The following MELTF variants were observed in gnomAD, a reference collection of about 807,000 sequenced individuals.
MELTF encodes the protein antigen p97 (melanoma associated) identified by monoclonal antibodies 133.2 and 96.5.
In MELTF, 67 loss-of-function variants were observed where a neutral mutation model predicts 83.7. The ratio of observed to expected loss-of-function variants is 0.80; its 90% confidence interval spans 0.66 to 0.98. The LOEUF is 0.98. Among genes scored for constraint, MELTF ranks in the 50% least tolerant of loss-of-function variants. The pLI, the probability that MELTF is intolerant of heterozygous loss-of-function variation, is 0.00. For missense variants in MELTF, 1,002 were observed against 1,035.6 expected, an observed-to-expected ratio of 0.97 and a Z score of 0.44; for synonymous variants, 462 against 447.6, an observed-to-expected ratio of 1.03 and a Z score of -0.41.
In MELTF at chr3:197,009,645, G is replaced by A. The variant is rs149613354; in HGVS notation, c.1498C>T (p.Arg500Trp). Residue 500 changes from arginine (R) to tryptophan (W), a missense_variant, in exon 11 of 16, where the codon CGG becomes TGG. Coordinates refer to ENST00000296350, the MANE Select transcript of MELTF (RefSeq NM_005929.6). ...GTGAGGACGTCACAGTCCTTGGGCC[G>A]GATGAAGCCTCTCTGAATAAGGGCA... ...VGALIQRGFI[R>W]PKDCDVLTAV... 9.3e-6 allele frequency: 15 copies of A among 1,612,784 alleles called. No individual in the cohort carries two copies. In the South Asian group the frequency reaches 9.9e-5, roughly 11 times the overall value.
rs142006559 is a variant in MELTF at position 197,023,489 on chromosome 3, G to A, written c.488-376C>T. The stretch of plus-strand genomic sequence containing the variant: ...TAAAGAATTATTGAAGATCACTGAT[G>A]GGTAGACAACCCTTCTCACGGCACA... On this transcript the variant is annotated intron_variant, in intron 4 of 15. Coordinates refer to ENST00000296350, the MANE Select transcript of MELTF (RefSeq NM_005929.6). Among the ~76,000 whole-genome samples, 3 of 152,350 alleles carry A rather than the reference G, an allele frequency of 2.0e-5. No individual in the cohort carries two copies. In the East Asian group the frequency reaches 5.8e-4, roughly 29 times the overall value.
intron 6 of MELTF, among the ~76,000 whole-genome samples, chr3:197,018,727 G>A (rs1207735081): frequency 1.3e-5 from 2 of 152,238 alleles, no homozygotes; most frequent in East Asian, 3.8e-4. Context: ...TTACAGGCGT[G>A]AGGCACCGTG....
chr3:197,015,933 G>T (rs547723071), intron 8 of MELTF, among the ~76,000 whole-genome samples: 3 of 152,140 alleles, frequency 2.0e-5, no homozygotes, highest in African/African-American at 7.2e-5. Context: ...GGGGCGAGGA[G>T]ACCCTTCCCA....
At chr3:197,009,936 T>G in intron 10 of MELTF, 124 bp from the exon 11 acceptor site, 2 of 902,834 alleles carry the variant, frequency 2.2e-6, no homozygotes, top group Non-Finnish European at 3.4e-6. Context: ...GGCCAAAGAG[T>G]ACCCAGGCCT....
intron 11 of MELTF, 78 bp from the exon 12 acceptor site, chr3:197,009,043 C>T: frequency 6.5e-7 from 1 of 1,544,798 alleles, no homozygotes; most frequent in South Asian, 1.2e-5. Flanking sequence ...CGCTCCCCCA[C>T]AGGTCTGCCC....
Position 197,029,715 on chromosome 3 carries a change from G to T in MELTF, c.-13C>A. On this transcript the variant is annotated 5_prime_UTR_variant, in exon 1 of 16. Transcript: ENST00000296350. This position sits in a 1 kb window ranked among gnomAD's most constrained non-coding sequence, Gnocchi z 6.5. ...TCGGACCCCGCATGGCGCCGTCGGG[G>T]CTGGCTGGGGCCGGGCTGGGGCTGG... The T allele has an allele frequency of 8.1e-7, 1 of 1,235,662 alleles. No homozygotes were observed. Among genetic ancestry groups the T allele is most frequent in the Non-Finnish European group, 1.0e-6 (1 of 990,086 alleles). The allele number at this position is 1,235,662 out of a possible 1,614,324, so 76.5% of individuals were successfully genotyped here.
Position 197,006,778 on chromosome 3 carries a change from TGGAGA to T in MELTF, c.1751-47_1751-43del, listed in dbSNP as rs1391806991. ...AGTGTGTGTGGGGACGTTCCGGGAG[TGGAGA>T]GAAGTGTAAAGAGAAGCTGCTATCC... is the stretch of plus-strand genomic sequence containing the variant. On this transcript the variant is annotated intron_variant, in intron 13 of 15. Coordinates refer to ENST00000296350, the MANE Select transcript of MELTF (RefSeq NM_005929.6). The surrounding 1 kb of genome is among the most constrained non-coding windows in gnomAD (Gnocchi z 5.4). The T allele has an allele frequency of 6.9e-7, 1 of 1,454,648 alleles. No homozygotes were observed. Among genetic ancestry groups the T allele is most frequent in the Non-Finnish European group, 9.1e-7 (1 of 1,102,894 alleles). 90.1% of individuals were successfully genotyped at this position (1,454,648 alleles called of 1,614,324 possible).
chr3:197,022,957 CGGAAG>C lies in MELTF; in HGVS notation c.639_643del (p.Phe214ValfsTer46). ...CCCTCCCTGCCCCCACTCCGCTCAC[CGGAAG>C]GCCCCGCTGTAGTCGTAGTATCTCT... On this transcript the variant is annotated frameshift_variant and splice_region_variant, in exon 5 of 16. Transcript: ENST00000296350. LOFTEE classifies it high-confidence loss of function. The surrounding 1 kb of genome is among the most constrained non-coding windows in gnomAD (Gnocchi z 5.1). 1.2e-6 allele frequency: 2 copies of C among 1,605,778 alleles called. No individual in the cohort carries two copies. Among genetic ancestry groups the C allele is most frequent in the Non-Finnish European group, 1.7e-6 (2 of 1,177,074 alleles).
At chr3:197,015,933 G>A (rs547723071) in intron 8 of MELTF, among the ~76,000 whole-genome samples, 2 of 152,258 alleles carry the variant, frequency 1.3e-5, no homozygotes, top group South Asian at 4.1e-4. Context: ...GGGGCGAGGA[G>A]ACCCTTCCCA....
chr3:197,006,440 G>A lies in MELTF; in HGVS notation c.1938+109C>T. 3 of 947,188 alleles carry A rather than the reference G, an allele frequency of 3.2e-6. No homozygotes were observed. Among genetic ancestry groups the A allele is most frequent in the South Asian group, 3.9e-5 (2 of 51,634 alleles). 58.7% of individuals were successfully genotyped at this position (947,188 alleles called of 1,614,324 possible). ...AGTGAAAATCACAGAATTTCCCCCG[G>A]GCTTCCTCAATTTCTCTAGAGGTCT... On this transcript the variant is annotated intron_variant, in intron 14 of 15. Transcript: ENST00000296350. This position sits in a 1 kb window ranked among gnomAD's most constrained non-coding sequence, Gnocchi z 5.4.
In MELTF at chr3:197,027,829, C is replaced by T. The variant is rs144478887; in HGVS notation, c.131G>A (p.Arg44Gln). 1.1e-4 allele frequency: 179 copies of T among 1,611,160 alleles called. No homozygotes were observed. The highest frequency in any genetic ancestry group is 1.4e-4 in the Non-Finnish European group (161 of 1,179,226). ...GAGGGAGGGCTGGATGCCCGCTTCCCGGAAGGCCTCGCTCATGTTGCCGCA... is the reference window on the plus strand; with the variant it reads ...GAGGGAGGGCTGGATGCCCGCTTCCTGGAAGGCCTCGCTCATGTTGCCGCA... ...HKCGNMSEAF[R>Q]EAGIQPSLLC... The change falls in exon 2 of 16, where the codon CGG becomes CAG. Residue 44 changes from arginine to glutamine, a missense_variant. Arg to Gln is a conservative substitution (Grantham distance 43, BLOSUM62 1). Transcript: ENST00000296350.
At chr3:197,016,914 C>G (rs563898893) in intron 7 of MELTF, among the ~76,000 whole-genome samples, 189 bp downstream of exon 7, 1 of 152,222 alleles carries the variant, frequency 6.6e-6, no homozygotes, top group Non-Finnish European at 1.5e-5. Context: ...CTGGGCCCCC[C>G]TCTCCTGGCC....
intron 3 of MELTF, chr3:197,026,045 G>C (rs999543259): frequency 4.6e-5 from 7 of 152,708 alleles, no homozygotes; most frequent in Non-Finnish European, 8.8e-5. Flanking sequence ...CTGGAGGCAG[G>C]TCCCATGTGT....
chr3:197,029,568 C>G lies in MELTF; in HGVS notation c.49+86G>C. The G allele has an allele frequency of 9.0e-7, 1 of 1,114,886 alleles. No individual in the cohort carries two copies. The highest frequency in any genetic ancestry group is 1.1e-6 in the Non-Finnish European group (1 of 880,300). 69.1% of individuals were successfully genotyped at this position (1,114,886 alleles called of 1,614,324 possible). ...ACTGCCCCGGAGCCGCAGGCTCAGG[C>G]ACATTTCCAGCCCCGGGACCTGCTC... On this transcript the variant is annotated intron_variant, in intron 1 of 15. Transcript: ENST00000296350. The surrounding 1 kb of genome is among the most constrained non-coding windows in gnomAD (Gnocchi z 6.5).
chr3:197,026,627 G>C (rs769578340), intron 3 of MELTF, 33 bp downstream of exon 3: 2 of 1,588,488 alleles, frequency 1.3e-6, no homozygotes, highest in Admixed American at 3.3e-5. Context: ...TCCAGCGCAG[G>C]CTGTCCTCTC....
intron 14 of MELTF, chr3:197,004,348 T>C: frequency 1.8e-6 from 1 of 541,238 alleles, no homozygotes; most frequent in Non-Finnish European, 3.3e-6. Context: ...GTGCTCCAGC[T>C]CCTGGATGCA....
chr3:197,003,714 C>G lies in MELTF; in HGVS notation c.2137+187G>C. ...ATTACCCAGGTCCGTCTGGGAGACC[C>G]GCCGGGCTCCCGCCCTCCCGGCCCG... On this transcript the variant is annotated intron_variant, in intron 15 of 15. Coordinates refer to ENST00000296350, the MANE Select transcript of MELTF (RefSeq NM_005929.6). The surrounding 1 kb of genome is among the most constrained non-coding windows in gnomAD (Gnocchi z 6.2). 5.6e-6 allele frequency: 4 copies of G among 715,242 alleles called. No individual in the cohort carries two copies. Among genetic ancestry groups the G allele is most frequent in the South Asian group, 3.7e-5 (2 of 53,414 alleles). The allele number at this position is 715,242 out of a possible 1,614,324, so 44.3% of individuals were successfully genotyped here. A position where few individuals can be genotyped will look rare whatever the true frequency, so the allele number is the denominator to read the frequency against.
chr3:197,006,032 A>G lies in MELTF; in HGVS notation c.1938+517T>C, dbSNP rs1042322529. ...TCAGGAGATCGAGACCATCCTGGCT[A>G]ACACGGTGAAACCCCTTCTCTACTA... On this transcript the variant is annotated intron_variant, in intron 14 of 15. Transcript: ENST00000296350. This position sits in a 1 kb window ranked among gnomAD's most constrained non-coding sequence, Gnocchi z 5.4. 1.3e-5 allele frequency among the ~76,000 whole-genome samples: 2 copies of G among 152,142 alleles called. No homozygotes were observed. The highest frequency in any genetic ancestry group is 4.8e-5 in the African/African-American group (2 of 41,424).
Position 197,003,323 on chromosome 3 carries a change from CG to C in MELTF, c.*48del. On this transcript the variant is annotated 3_prime_UTR_variant, in exon 16 of 16. Coordinates refer to ENST00000296350, the MANE Select transcript of MELTF (RefSeq NM_005929.6). This position sits in a 1 kb window ranked among gnomAD's most constrained non-coding sequence, Gnocchi z 6.2. ...TCTGGATTCCAGCGCGAAGCCGCCGCGGAAACTCCCCGGGCGGGCATCGGAG... is the reference window on the plus strand; with the variant it reads ...TCTGGATTCCAGCGCGAAGCCGCCGCGAAACTCCCCGGGCGGGCATCGGAG... The C allele has an allele frequency of 1.9e-6, 2 of 1,047,034 alleles. No homozygotes were observed. Among genetic ancestry groups the C allele is most frequent in the Non-Finnish European group, 2.3e-6 (2 of 871,934 alleles). The allele number at this position is 1,047,034 out of a possible 1,614,324, so 64.9% of individuals were successfully genotyped here.
Sources: gnomAD v4.1 joint callset for allele counts (sites outside exome capture counted in the v4.1 genomes callset) on GRCh38, gnomAD v4.1.1 for gene constraint, Gnocchi (gnomAD v3.1) non-coding constraint, MANE v1.5 for transcripts, NCBI Gene and HGNC (gene_info 2026-07-23, HGNC 2026-07-21) for gene names.